Variants in ZNF609 observed in about 807,000 individuals in gnomAD.
ZNF609 encodes the protein zinc finger protein 609.
A neutral mutation model predicts 109.5 loss-of-function variants in ZNF609; 11 were observed. The ratio of observed to expected loss-of-function variants is 0.10; its 90% CI spans 0.06 to 0.17. ZNF609 has a LOEUF of 0.17. Among genes scored for constraint, ZNF609 ranks in the 10% least tolerant of loss-of-function variants. The pLI is 1.00. For synonymous variants in ZNF609, 646 were observed against 662.0 expected (o/e 0.98, Z 0.37); for missense variants, 1,559 against 1,772.4 (o/e 0.88, Z 2.16).
At chr15:64,617,255 C>T (rs1312220013) in intron 2 of ZNF609, among the ~76,000 whole-genome samples, 1 of 151,672 alleles carries the variant, frequency 6.6e-6, no homozygotes, top group Non-Finnish European at 1.5e-5. Context: ...CTCCTGGACT[C>T]AAACAGTCCT....
rs2083226975 is a variant in ZNF609, at chr15:64,684,045, G to A, written c.*2359G>A. ...TATCCAAGTCTCCCCTGAAGAGTAGGAGCTGCTCAGAAGAGCAGGTGAAAG... is the reference window on the plus strand; with the variant it reads ...TATCCAAGTCTCCCCTGAAGAGTAGAAGCTGCTCAGAAGAGCAGGTGAAAG... On this transcript the variant is annotated 3_prime_UTR_variant, in exon 10 of 10. Transcript: ENST00000326648. 6.6e-6 allele frequency: 1 copy of A among 152,180 alleles called. No individual in the cohort carries two copies. Among genetic ancestry groups the A allele is most frequent in the Non-Finnish European group, 1.5e-5 (1 of 68,034 alleles). The allele number at this position is 152,180 out of a possible 1,614,324, so 9.4% of individuals were successfully genotyped here.
In ZNF609 at chr15:64,667,717, A is replaced by AAAAAAG. The variant is rs567874007; in HGVS notation, c.974-2613_974-2608dup. 2.2e-3 allele frequency among the ~76,000 whole-genome samples: 333 copies of AAAAAAG among 152,142 alleles called. 2 individuals carry two copies. The highest frequency in any genetic ancestry group is 4.1e-3 in the Non-Finnish European group (281 of 67,976). ...ACAAGAGTGAAACTCTGTCTCAAAA[A>AAAAAAG]AAAAAGAAAAAGAAAAAGAAACACA... On this transcript the variant is annotated intron_variant, in intron 3 of 9. Coordinates refer to ENST00000326648, the MANE Select transcript of ZNF609 (RefSeq NM_015042.2).
intron 2 of ZNF609, among the ~76,000 whole-genome samples, chr15:64,594,539 T>C (rs1187029716): frequency 6.6e-6 from 1 of 151,608 alleles, no homozygotes; most frequent in Non-Finnish European, 1.5e-5. Flanking sequence ...GGTTTCACCA[T>C]GTTGCCCAGC....
intron 2 of ZNF609, among the ~76,000 whole-genome samples, chr15:64,598,742 GTATATATATATATATATATA>G (rs1169879124): frequency 1.7e-3 from 103 of 60,276 alleles, no homozygotes; most frequent in African/African-American, 5.1e-3. Context: ...CTTTGTGTGT[GTATATATATATATATATATA>G]TATATATATA....
intron 1 of ZNF609, among the ~76,000 whole-genome samples, chr15:64,471,639 A>C (rs1893092309): frequency 1.3e-5 from 2 of 152,126 alleles, no homozygotes; most frequent in African/African-American, 4.8e-5. Flanking sequence ...GCTGGAGTGC[A>C]GTGGCACAGT....
At chr15:64,529,979 C>G (rs1894034726) in intron 2 of ZNF609, among the ~76,000 whole-genome samples, 1 of 151,896 alleles carries the variant, frequency 6.6e-6, no homozygotes, top group South Asian at 2.1e-4. Context: ...ATCCACCCAC[C>G]TCGGCCTCCC....
intron 3 of ZNF609, among the ~76,000 whole-genome samples, chr15:64,661,844 T>C (rs1896581694): frequency 1.3e-5 from 2 of 152,232 alleles, no homozygotes; most frequent in Non-Finnish European, 2.9e-5. Flanking sequence ...TCAATAAATA[T>C]TCGTTCAAGG....
chr15:64,554,629 G>C (rs1431346739), intron 2 of ZNF609, among the ~76,000 whole-genome samples: 10 of 151,992 alleles, frequency 6.6e-5, no homozygotes, highest in Non-Finnish European at 2.9e-5. Context: ...CTGCATTCCA[G>C]ACTGGGCAAC....
chr15:64,546,536 G>C (rs112554153), intron 2 of ZNF609, among the ~76,000 whole-genome samples: 8,163 of 148,866 alleles, frequency 0.055, 525 homozygotes, highest in South Asian at 0.3. Context: ...GCGGTGGTGC[G>C]ATCAGGGCTC....
intron 6 of ZNF609, among the ~76,000 whole-genome samples, chr15:64,679,425 T>TGTTGCCCAAA (rs1896850700): frequency 6.6e-6 from 1 of 152,218 alleles, no homozygotes; most frequent in Non-Finnish European, 1.5e-5. Flanking sequence ...CTACTCGTTT[T>TGTTGCCCAAA]GTTGCCCAAA....
chr15:64,522,038 A>G (rs1595706504), intron 2 of ZNF609, among the ~76,000 whole-genome samples: 2 of 152,332 alleles, frequency 1.3e-5, no homozygotes, highest in East Asian at 1.9e-4. Context: ...ACAAAAGCCT[A>G]TTATGTCAGA....
At chr15:64,513,544 G>A (rs1025842218) in intron 2 of ZNF609, among the ~76,000 whole-genome samples, 4 of 152,150 alleles carry the variant, frequency 2.6e-5, no homozygotes, top group African/African-American at 9.7e-5. Flanking sequence ...TCAGTCAGAA[G>A]TTACCTACAG....
intron 1 of ZNF609, among the ~76,000 whole-genome samples, chr15:64,463,492 A>G (rs1892972224): frequency 6.6e-6 from 1 of 152,112 alleles, no homozygotes; most frequent in Non-Finnish European, 1.5e-5. Flanking sequence ...TAGAAGTAAA[A>G]CTCATTGTGA....
At chr15:64,602,934 A>T (rs1272721573) in intron 2 of ZNF609, among the ~76,000 whole-genome samples, 1 of 84,604 alleles carries the variant, frequency 1.2e-5, no homozygotes, top group Non-Finnish European at 2.3e-5. Flanking sequence ...TTTAGTAGAG[A>T]CGGGGTTTCA....
At chr15:64,678,610 C>T in intron 6 of ZNF609, 128 bp downstream of exon 6, 2 of 1,329,122 alleles carry the variant, frequency 1.5e-6, no homozygotes, top group Non-Finnish European at 2.0e-6. Flanking sequence ...GACCTTTTTT[C>T]ACTGAGTCAT....
intron 3 of ZNF609, among the ~76,000 whole-genome samples, chr15:64,627,671 T>TTC (rs1555423636): frequency 7.2e-6 from 1 of 138,270 alleles, no homozygotes; most frequent in Non-Finnish European, 1.6e-5. Flanking sequence ...TTCTTTTTTT[T>TTC]TTTTTTTTTT....
At chr15:64,497,753 TAGTC>T (rs1009331438) in intron 1 of ZNF609, among the ~76,000 whole-genome samples, 4 of 151,732 alleles carry the variant, frequency 2.6e-5, no homozygotes, top group East Asian at 3.9e-4. Context: ...GAATACAAGT[TAGTC>T]AGTCATTGTG....
At chr15:64,666,130 A>T (rs906949832) in intron 3 of ZNF609, among the ~76,000 whole-genome samples, 4 of 151,390 alleles carry the variant, frequency 2.6e-5, no homozygotes, top group Admixed American at 2.0e-4. Context: ...TGGCCTAGTG[A>T]CTACTGTAAT....
chr15:64,599,168 G>GTTTTTTTTTT (rs556122154), intron 2 of ZNF609, among the ~76,000 whole-genome samples: 22 of 46,494 alleles, frequency 4.7e-4, no homozygotes, highest in Non-Finnish European at 8.2e-4. Context: ...TTTTGTGGTG[G>GTTTTTTTTTT]TTTTTTTTTT....
Sources: allele counts gnomAD v4.1 joint callset (sites outside exome capture counted in the v4.1 genomes callset), GRCh38; gene constraint gnomAD v4.1.1; transcripts MANE v1.5; gene names NCBI Gene and HGNC (gene_info 2026-07-23, HGNC 2026-07-21).